Variants in POSTN observed in about 807,000 individuals in gnomAD.
POSTN encodes the protein osteoblast specific factor 2 (fasciclin I-like).
A neutral mutation model predicts 104.5 loss-of-function variants in POSTN; 71 were observed. That is an observed-to-expected ratio of 0.68 (90% CI 0.56 to 0.83). The LOEUF (loss-of-function observed/expected upper bound fraction) is 0.83, where lower values mean the gene tolerates loss of function less well. Among genes scored for constraint, POSTN ranks in the 40% least tolerant of loss-of-function variants. The probability of loss-of-function intolerance (pLI) is 0.00; values close to 1 mark genes in which losing one functional copy is unlikely to be tolerated. For synonymous variants in POSTN, 355 were observed against 340.7 expected (o/e 1.04, Z -0.46); for missense variants, 949 against 1,006.8 (o/e 0.94, Z 0.78).
In POSTN at chr13:37,578,867, A is replaced by C; in HGVS notation, c.1939T>G (p.Leu647Val). The change falls in exon 15 of 23, where the codon TTA becomes GTA. Residue 647 changes from leucine (L) to valine (V), a missense_variant. By Grantham distance (32) the Leu-to-Val change is conservative (BLOSUM62 1). Coordinates refer to ENST00000379747, the MANE Select transcript of POSTN (RefSeq NM_006475.3). Reference sequence around the variant, plus strand: ...ACCTTAATTTGGATGTATTTGATTAATTTATTAAGTATTTCCAGCAGTTGA... The same window carrying C: ...ACCTTAATTTGGATGTATTTGATTACTTTATTAAGTATTTCCAGCAGTTGA... ...NDQLLEILNKLIKYIQIKFVR... is the reference protein window; with the variant it reads ...NDQLLEILNKVIKYIQIKFVR... The C allele has an allele frequency of 6.3e-7, 1 of 1,587,124 alleles. No individual in the cohort carries two copies. Among genetic ancestry groups the C allele is most frequent in the African/African-American group, 1.4e-5 (1 of 72,978 alleles).
intron 10 of POSTN, among the ~76,000 whole-genome samples, chr13:37,581,168 C>T (rs1326827483): frequency 6.6e-6 from 1 of 152,016 alleles, no homozygotes; most frequent in African/African-American, 2.4e-5. Flanking sequence ...TTTGAACGAA[C>T]GTGATATATA....
chr13:37,579,121 C>T lies in POSTN; in HGVS notation c.1792G>A (p.Val598Ile), dbSNP rs1451245097. The change falls in exon 14 of 23, where the codon GTA becomes ATA. Residue 598 changes from valine (V) to isoleucine (I), a missense_variant and splice_region_variant. By Grantham distance (29) the Val-to-Ile change is conservative. Transcript: ENST00000379747. ...TCATTCACCAGAAGTGTATCATTTA[C>T]CTATCAAAATAGGAGGCAATTTCAA... is the stretch of plus-strand genomic sequence containing the variant. ...TQGSKIFLKE[V>I]NDTLLVNELK... The T allele has an allele frequency of 1.2e-6, 2 of 1,611,620 alleles. No individual in the cohort carries two copies. The highest frequency in any genetic ancestry group is 2.7e-5 in the African/African-American group (2 of 74,852).
chr13:37,582,304 T>A, intron 10 of POSTN, 62 bp downstream of exon 10: 25 of 1,506,066 alleles, frequency 1.7e-5, no homozygotes, highest in Non-Finnish European at 2.2e-5. Context: ...GAAATATTCA[T>A]TGAAACAGCA....
intron 21 of POSTN, chr13:37,564,990 T>C (rs930923153): frequency 6.5e-6 from 1 of 154,538 alleles, no homozygotes; most frequent in African/African-American, 2.4e-5. Context: ...GTGCAATGTC[T>C]GCCTCTGTAA....
chr13:37,590,157 T>TA (rs1566032711), intron 4 of POSTN, among the ~76,000 whole-genome samples: 1 of 151,984 alleles, frequency 6.6e-6, no homozygotes, highest in Admixed American at 6.6e-5. Flanking sequence ...TTCCCCTTCT[T>TA]AAAAAAATTA....
rs775691482 is a variant in POSTN at position 37,584,837 on chromosome 13, A to T, written c.987T>A (p.Ile329=). The change falls in exon 8 of 23, where the codon ATT becomes ATA. Residue 329 remains isoleucine, a synonymous_variant. Transcript: ENST00000379747. ...TACTGTCACCGTCACATCCTATCTCAATTGTATTTCCTTCCAGCGTCTCAA... is the reference window on the plus strand; with the variant it reads ...TACTGTCACCGTCACATCCTATCTCTATTGTATTTCCTTCCAGCGTCTCAA... The part of the protein sequence containing the change: ...AVFETLEGNT[I]EIGCDGDSIT... The T allele has an allele frequency of 1.2e-6, 2 of 1,613,310 alleles. No individual in the cohort carries two copies. The highest frequency in any genetic ancestry group is 2.2e-5 in the South Asian group (2 of 91,058).
chr13:37,583,342 A>C (rs1054191647), intron 9 of POSTN, among the ~76,000 whole-genome samples: 1 of 152,164 alleles, frequency 6.6e-6, no homozygotes, highest in Non-Finnish European at 1.5e-5. Context: ...GTATCAAATA[A>C]AGAAATCAGT....
chr13:37,591,807 C>G (rs543847715), intron 3 of POSTN, among the ~76,000 whole-genome samples: 1 of 152,086 alleles, frequency 6.6e-6, no homozygotes, highest in Non-Finnish European at 1.5e-5. Context: ...TTCCATGTTC[C>G]TAGACAAGTT....
chr13:37,593,703 G>T (rs1010149535), intron 2 of POSTN, among the ~76,000 whole-genome samples: 1 of 151,282 alleles, frequency 6.6e-6, no homozygotes, highest in African/African-American at 2.4e-5. Flanking sequence ...GAAAGAGATC[G>T]CCAAGTATAA....
rs373753100 is a variant in POSTN, at chr13:37,582,370, C to T, written c.1388G>A (p.Arg463His). Residue 463 changes from arginine (R) to histidine (H), a missense_variant, in exon 10 of 23, where the codon CGT becomes CAT. Coordinates refer to ENST00000379747, the MANE Select transcript of POSTN (RefSeq NM_006475.3). ...ATTTTGTTGTGATTCACTTACTGTA[C>T]GATATACGAAGACTCTGAGCTGTTT... ...GGKQLRVFVY[R>H]TAVCIENSCM... 187 of 1,608,068 alleles carry T rather than the reference C, an allele frequency of 1.2e-4. 1 individual carries two copies. In the Middle Eastern group the frequency reaches 1.3e-3, roughly 11 times the overall value.
At chr13:37,584,675 T>C (rs377296253) in intron 8 of POSTN, 41 bp downstream of exon 8, 4 of 1,495,322 alleles carry the variant, frequency 2.7e-6, no homozygotes, top group Admixed American at 1.7e-5. Flanking sequence ...TAAATTACAG[T>C]AAGTAAAAAA....
At chr13:37,590,257 T>G in intron 4 of POSTN, 115 bp downstream of exon 4, 1 of 789,250 alleles carries the variant, frequency 1.3e-6, no homozygotes, top group Non-Finnish European at 1.9e-6. Flanking sequence ...GGTATTCTCA[T>G]ATATGTACAA....
chr13:37,574,723 CCTTTT>C lies in POSTN; in HGVS notation c.2009-76_2009-72del, dbSNP rs1199989928. ...CTGAACAAAGGTTTTTTTTTTTTTT[CCTTTT>C]CTTTTTTGTCTCTGTAGGATACTAA... On this transcript the variant is annotated intron_variant, in intron 16 of 22. Coordinates refer to ENST00000379747, the MANE Select transcript of POSTN (RefSeq NM_006475.3). 28 of 1,414,914 alleles carry C rather than the reference CCTTTT, an allele frequency of 2.0e-5. No homozygotes were observed. The African/African-American group carries it at 2.3e-4, about 12-fold the overall frequency. The allele number at this position is 1,414,914 out of a possible 1,614,324, so 87.6% of individuals were successfully genotyped here. A position where few individuals can be genotyped will look rare whatever the true frequency, so the allele number is the denominator to read the frequency against.
chr13:37,576,537 T>C (rs1004783597), intron 16 of POSTN, among the ~76,000 whole-genome samples: 3 of 152,040 alleles, frequency 2.0e-5, no homozygotes, highest in African/African-American at 7.2e-5. Context: ...TTCACATATA[T>C]AGAAAGTAGT....
intron 2 of POSTN, among the ~76,000 whole-genome samples, chr13:37,595,778 C>A (rs1230984856): frequency 1.3e-5 from 2 of 150,894 alleles, no homozygotes; most frequent in Non-Finnish European, 2.9e-5. Context: ...ACAGGTAAGT[C>A]TACAAGAAGT....
At chr13:37,584,675 T>G (rs377296253) in intron 8 of POSTN, 41 bp downstream of exon 8, 1 of 1,495,322 alleles carries the variant, frequency 6.7e-7, no homozygotes, top group Admixed American at 1.7e-5. Context: ...TAAATTACAG[T>G]AAGTAAAAAA....
chr13:37,580,543 T>G lies in POSTN; in HGVS notation c.1529+18A>C. On this transcript the variant is annotated intron_variant, in intron 11 of 22. Coordinates refer to ENST00000379747, the MANE Select transcript of POSTN (RefSeq NM_006475.3). ...CAATAGCTCTCATTCTCTGTGGAGGTGCCACTAATAGGCTTACCTAAAGCG... is the reference window on the plus strand; with the variant it reads ...CAATAGCTCTCATTCTCTGTGGAGGGGCCACTAATAGGCTTACCTAAAGCG... 1 of 1,612,808 alleles carries G rather than the reference T, an allele frequency of 6.2e-7. No individual in the cohort carries two copies. Among genetic ancestry groups the G allele is most frequent in the Non-Finnish European group, 8.5e-7 (1 of 1,179,054 alleles).
intron 9 of POSTN, 134 bp downstream of exon 9, chr13:37,583,835 A>G: frequency 9.8e-7 from 1 of 1,021,348 alleles, no homozygotes; most frequent in Non-Finnish European, 1.4e-6. Context: ...TAGTGTTAAC[A>G]CATTGTATGT....
chr13:37,566,584 T>C (rs544745345), intron 21 of POSTN, among the ~76,000 whole-genome samples: 1 of 152,294 alleles, frequency 6.6e-6, no homozygotes, highest in South Asian at 2.1e-4. Flanking sequence ...TAATTTGGGA[T>C]TGAGTTGGGG....
Sources: gnomAD v4.1 joint callset for allele counts (sites outside exome capture counted in the v4.1 genomes callset) on GRCh38, gnomAD v4.1.1 for gene constraint, MANE v1.5 for transcripts, NCBI Gene and HGNC (gene_info 2026-07-23, HGNC 2026-07-21) for gene names.